The following LUZP2 variants were observed in gnomAD, a reference collection of about 807,000 sequenced individuals.
LUZP2 encodes leucine zipper protein 2.
LUZP2 carries 52 observed loss-of-function variants against 51.6 expected under a neutral mutation model. The observed-to-expected ratio is 1.01, with a 90% confidence interval of 0.81 to 1.27. The LOEUF (loss-of-function observed/expected upper bound fraction) is 1.27. Among genes scored for constraint, LUZP2 ranks in the 50% most tolerant of loss-of-function variants. The pLI is 0.00. For missense variants in LUZP2, 436 were observed against 395.4 expected (o/e 1.10, Z -0.87); for synonymous variants, 154 against 137.3 (o/e 1.12, Z -0.85).
chr11:24,783,786 T>A (rs958094334), intron 5 of LUZP2, among the ~76,000 whole-genome samples: 3 of 151,804 alleles, frequency 2.0e-5, no homozygotes, highest in Non-Finnish European at 4.4e-5. Context: ...GGGGAAGGAG[T>A]ACTTATTTGT....
chr11:24,726,273 G>A (rs560381529), intron 1 of LUZP2, among the ~76,000 whole-genome samples: 1 of 152,028 alleles, frequency 6.6e-6, no homozygotes, highest in East Asian at 1.9e-4. Context: ...CATGCCATTA[G>A]CAAATTTTCT....
At chr11:24,764,067 G>T (rs1860088807) in intron 5 of LUZP2, among the ~76,000 whole-genome samples, 1 of 152,046 alleles carries the variant, frequency 6.6e-6, no homozygotes, top group Non-Finnish European at 1.5e-5. Flanking sequence ...GTCATTTAGG[G>T]CTCAGTGAGA....
intron 7 of LUZP2, among the ~76,000 whole-genome samples, chr11:24,956,242 T>A (rs1855205366): frequency 6.6e-6 from 1 of 151,806 alleles, no homozygotes; most frequent in Non-Finnish European, 1.5e-5. Context: ...AGAGGTGGGA[T>A]AATATGGCCA....
chr11:24,774,492 A>G (rs1848855545), intron 5 of LUZP2, among the ~76,000 whole-genome samples: 1 of 124,496 alleles, frequency 8.0e-6, no homozygotes, highest in Non-Finnish European at 1.6e-5. Context: ...ATATATATAA[A>G]GAATATATAT....
At chr11:24,647,825 TA>T (rs1855509201) in intron 1 of LUZP2, among the ~76,000 whole-genome samples, 1 of 151,954 alleles carries the variant, frequency 6.6e-6, no homozygotes. Flanking sequence ...TATTATCAAA[TA>T]ACTATATCTA....
intron 1 of LUZP2, among the ~76,000 whole-genome samples, chr11:24,630,907 T>A (rs1194027361): frequency 6.6e-6 from 1 of 151,934 alleles, no homozygotes; most frequent in Non-Finnish European, 1.5e-5. Flanking sequence ...TTTGTAGAGA[T>A]CTTTCCTCTA....
At chr11:24,961,065 G>T (rs543035253) in intron 7 of LUZP2, among the ~76,000 whole-genome samples, 19 of 152,240 alleles carry the variant, frequency 1.2e-4, no homozygotes, top group Non-Finnish European at 2.4e-4. Flanking sequence ...TTTTGAGTGA[G>T]TTTCTTAATC....
At chr11:24,785,095 C>T (rs1035115178) in intron 5 of LUZP2, among the ~76,000 whole-genome samples, 2 of 151,976 alleles carry the variant, frequency 1.3e-5, no homozygotes, top group African/African-American at 4.8e-5. Context: ...ACTATTTATG[C>T]TCATTCCTCT....
chr11:24,525,591 T>C lies in LUZP2; in HGVS notation c.62+28286T>C, dbSNP rs532868545. 6.6e-5 allele frequency among the ~76,000 whole-genome samples: 10 copies of C among 151,564 alleles called. No homozygotes were observed. The South Asian group carries it at 1.7e-3, about 25-fold the overall frequency. ...GATGCAGAGAAATTGGAATTTAGGT[T>C]GATGTTAGTGAAACCAGGGAAAGAT... On this transcript the variant is annotated intron_variant, in intron 1 of 11. Transcript: ENST00000336930.
intron 1 of LUZP2, among the ~76,000 whole-genome samples, chr11:24,669,569 G>A (rs1201002597): frequency 6.6e-6 from 1 of 151,932 alleles, no homozygotes; most frequent in Non-Finnish European, 1.5e-5. Context: ...GTTCTGGGCT[G>A]TGAAAATGGT....
chr11:24,503,769 G>T (rs1429262751), intron 1 of LUZP2, among the ~76,000 whole-genome samples: 1 of 152,154 alleles, frequency 6.6e-6, no homozygotes, highest in Non-Finnish European at 1.5e-5. Flanking sequence ...GTTCTGTTAT[G>T]TGAATGTTCA....
chr11:24,706,509 C>T (rs78447083), intron 1 of LUZP2, among the ~76,000 whole-genome samples: 4 of 152,098 alleles, frequency 2.6e-5, no homozygotes, highest in African/African-American at 9.7e-5. Context: ...GCATTCTGCC[C>T]TTGTTTCCAT....
At chr11:24,851,367 G>C (rs1223031225) in intron 5 of LUZP2, among the ~76,000 whole-genome samples, 1 of 152,092 alleles carries the variant, frequency 6.6e-6, no homozygotes, top group Admixed American at 6.6e-5. Flanking sequence ...TAATCATGTG[G>C]TTTCTGTCAT....
At chr11:24,621,405 A>AT (rs148994649) in intron 1 of LUZP2, among the ~76,000 whole-genome samples, 27,735 of 151,400 alleles carry the variant, frequency 0.18, 2,830 homozygotes, top group African/African-American at 0.27. Context: ...AGGTAAATCT[A>AT]TTTTTTTTTA....
intron 5 of LUZP2, among the ~76,000 whole-genome samples, chr11:24,897,593 A>G (rs1056809514): frequency 6.6e-6 from 1 of 152,202 alleles, no homozygotes; most frequent in Non-Finnish European, 1.5e-5. Context: ...GGAACCCACC[A>G]GAAGGAAGAA....
chr11:24,691,291 C>T (rs536933010), intron 1 of LUZP2, among the ~76,000 whole-genome samples: 19 of 151,870 alleles, frequency 1.3e-4, no homozygotes, highest in African/African-American at 4.3e-4. Context: ...TTAGTGTTCC[C>T]TTAAAAAAAT....
chr11:24,853,017 T>A (rs2134227157), intron 5 of LUZP2, among the ~76,000 whole-genome samples: 1 of 152,318 alleles, frequency 6.6e-6, no homozygotes, highest in Non-Finnish European at 1.5e-5. Flanking sequence ...TGGTCTTGAC[T>A]CTTTATCCAA....
intron 5 of LUZP2, among the ~76,000 whole-genome samples, chr11:24,875,255 C>A (rs1421453291): frequency 7.0e-6 from 1 of 143,880 alleles, no homozygotes; most frequent in Non-Finnish European, 1.5e-5. Context: ...TTCCCCCCTC[C>A]CCTCACCCCA....
At chr11:24,540,246 G>A (rs1001039754) in intron 1 of LUZP2, among the ~76,000 whole-genome samples, 7 of 152,026 alleles carry the variant, frequency 4.6e-5, no homozygotes, top group African/African-American at 1.2e-4. Context: ...CCACAAGTAG[G>A]GGAGTGAAGT....
Sources: gnomAD v4.1 joint callset for allele counts (sites outside exome capture counted in the v4.1 genomes callset) on GRCh38, gnomAD v4.1.1 for gene constraint, MANE v1.5 for transcripts, NCBI Gene and HGNC (gene_info 2026-07-23, HGNC 2026-07-21) for gene names.